The following KIF21B variants were observed in gnomAD, a reference collection of about 807,000 sequenced individuals.
KIF21B encodes kinesin family member 21B, also known as kinesin-like protein KIF21B.
In KIF21B, 85 loss-of-function variants were observed where a neutral mutation model predicts 192.9. The observed-to-expected ratio is 0.44, with a 90% CI of 0.37 to 0.53. The LOEUF (loss-of-function observed/expected upper bound fraction) is 0.53, where lower values mean the gene tolerates loss of function less well. KIF21B is among the 20% of genes least tolerant of loss of function. KIF21B has a pLI of 0.00. For missense variants in KIF21B, 1,716 were observed against 2,194.8 expected (o/e 0.78, Z 4.36); for synonymous variants, 832 against 884.6 (o/e 0.94, Z 1.05).
Position 200,998,832 on chromosome 1 carries a change from C to T in KIF21B, c.1886-257G>A, listed in dbSNP as rs542969747. 2.0e-5 allele frequency among the ~76,000 whole-genome samples: 3 copies of T among 152,262 alleles called. No individual in the cohort carries two copies. The highest frequency in any genetic ancestry group is 6.5e-5 in the Admixed American group (1 of 15,290). ...GATCTACACGTCCTTCCCAGCCATT[C>T]GAGGCCAGCATCCACCTGTTCCAGA... On this transcript the variant is annotated intron_variant, in intron 13 of 34. Coordinates refer to ENST00000461742, the MANE Select transcript of KIF21B (RefSeq NM_001252102.2). This position sits in a 1 kb window ranked among gnomAD's most constrained non-coding sequence, Gnocchi z 4.3.
Position 201,023,296 on chromosome 1 carries a change from A to C in KIF21B, c.41+47T>G. 1 of 1,493,336 alleles carries C rather than the reference A, an allele frequency of 6.7e-7. No homozygotes were observed. Among genetic ancestry groups the C allele is most frequent in the Non-Finnish European group, 9.0e-7 (1 of 1,115,146 alleles). The allele number at this position is 1,493,336 out of a possible 1,614,324, so 92.5% of individuals were successfully genotyped here. The stretch of plus-strand genomic sequence containing the variant: ...CCCGCCCAAAGCCCACGCGAGACAA[A>C]GCCCGAGGCTTCTCCGCGCGCCCCC... On this transcript the variant is annotated intron_variant, in intron 1 of 34. Transcript: ENST00000461742. The surrounding 1 kb of genome is among the most constrained non-coding windows in gnomAD (Gnocchi z 5.9).
chr1:201,004,965 C>T (rs762307709), intron 5 of KIF21B, 32 bp from the exon 6 acceptor site: 3 of 1,582,454 alleles, frequency 1.9e-6, no homozygotes, highest in Middle Eastern at 1.7e-4. Flanking sequence ...ACTCACCCAG[C>T]CCTCGCCCAC....
chr1:200,976,960 T>C (rs1022569125), intron 31 of KIF21B, 67 bp from the exon 32 acceptor site: 23 of 1,257,854 alleles, frequency 1.8e-5, no homozygotes, highest in Non-Finnish European at 2.6e-5. Flanking sequence ...GGGTGGGGTG[T>C]CTGCCCCAAA....
chr1:201,019,585 A>G (rs918696816), intron 1 of KIF21B, among the ~76,000 whole-genome samples: 3 of 152,072 alleles, frequency 2.0e-5, no homozygotes, highest in Non-Finnish European at 2.9e-5. Flanking sequence ...AGGTTTTCAA[A>G]AGCTGAGATC....
rs759880606 is a variant in KIF21B at position 200,990,717 on chromosome 1, C to T, written c.2694G>A (p.Lys898=). 4.0e-5 allele frequency: 64 copies of T among 1,614,014 alleles called. No homozygotes were observed. Among genetic ancestry groups the T allele is most frequent in the Non-Finnish European group, 5.2e-5 (61 of 1,180,002 alleles). ...TCTGGCTGGCCCCCTTCTTCTGGAA[C>T]TTCTTTCTGGGAGACATAGGCAAAG... ...TVNGTRPARK[K]FQKKGASQSF... Residue 898 remains lysine, a synonymous_variant, in exon 19 of 35, where the codon AAG becomes AAA. Coordinates refer to ENST00000461742, the MANE Select transcript of KIF21B (RefSeq NM_001252102.2). The surrounding 1 kb of genome is among the most constrained non-coding windows in gnomAD (Gnocchi z 5.4).
intron 9 of KIF21B, chr1:201,001,940 A>T (rs1359168616): frequency 1.7e-6 from 1 of 582,152 alleles, no homozygotes; most frequent in South Asian, 2.0e-5. Flanking sequence ...CTTTCACTTC[A>T]TATAGTGATG....
chr1:200,990,368 G>A lies in KIF21B; in HGVS notation c.2836-36C>T. 1.3e-6 allele frequency: 2 copies of A among 1,566,654 alleles called. No individual in the cohort carries two copies. Among genetic ancestry groups the A allele is most frequent in the African/African-American group, 1.4e-5 (1 of 74,018 alleles). On this transcript the variant is annotated intron_variant, in intron 19 of 34. Transcript: ENST00000461742. This position sits in a 1 kb window ranked among gnomAD's most constrained non-coding sequence, Gnocchi z 5.4. ...AGGGGAGGGTGGTGATTGTGATGAAGGAGAGGCCTCAGGTAGCTGCCAAGC... is the reference window on the plus strand; with the variant it reads ...AGGGGAGGGTGGTGATTGTGATGAAAGAGAGGCCTCAGGTAGCTGCCAAGC...
Position 200,976,887 on chromosome 1 carries a change from C to A in KIF21B, c.4332G>T (p.Gln1444His), listed in dbSNP as rs1397752528. Residue 1444 changes from glutamine to histidine, a missense_variant, in exon 32 of 35, where the codon CAG (glutamine) becomes CAT (histidine). By Grantham distance (24) the Gln-to-His change is conservative. Transcript: ENST00000461742. ...TGTGGCCAGTCAGCTTGCCGACAGG[C>A]TGGAACCTGCAGTGGGAAGAGGCCC... Reference protein sequence around the residue: ...AVRIWELSRFQPVGKLTGHIG... With the variant: ...AVRIWELSRFHPVGKLTGHIG... 2 of 1,606,368 alleles carry A rather than the reference C, an allele frequency of 1.2e-6. No individual in the cohort carries two copies. Among genetic ancestry groups the A allele is most frequent in the Non-Finnish European group, 1.7e-6 (2 of 1,174,376 alleles).
Position 201,005,606 on chromosome 1 carries a change from T to C in KIF21B, c.536A>G (p.Asp179Gly), listed in dbSNP as rs751746820. 7 of 1,613,836 alleles carry C rather than the reference T, an allele frequency of 4.3e-6. No individual in the cohort carries two copies. The highest frequency in any genetic ancestry group is 5.1e-6 in the Non-Finnish European group (6 of 1,179,904). The change falls in exon 4 of 35, where the codon GAC becomes GGC. Residue 179 changes from aspartate to glycine, a missense_variant. Asp to Gly is a moderately conservative substitution (Grantham distance 94, BLOSUM62 -1). Transcript: ENST00000461742. ...AGTGGTGTAGATGCCACCGTTTGCG[T>C]CCTCGTGGATCTTGATGTTGGACCT... is the stretch of plus-strand genomic sequence containing the variant. ...HRRSNIKIHE[D>G]ANGGIYTTGV...
chr1:201,023,464 G>T lies in KIF21B; in HGVS notation c.-81C>A. ...TGCCCGAGGCAGCGGCTGCGGCTGC[G>T]GGAGGCGGGGGCGCGGGCGCGGCTG... is the stretch of plus-strand genomic sequence containing the variant. On this transcript the variant is annotated 5_prime_UTR_variant, in exon 1 of 35. Transcript: ENST00000461742. The surrounding 1 kb of genome is among the most constrained non-coding windows in gnomAD (Gnocchi z 5.9). 1 of 1,076,010 alleles carries T rather than the reference G, an allele frequency of 9.3e-7. No homozygotes were observed. Among genetic ancestry groups the T allele is most frequent in the Non-Finnish European group, 1.2e-6 (1 of 835,764 alleles). The allele number at this position is 1,076,010 out of a possible 1,614,324, so 66.7% of individuals were successfully genotyped here.
chr1:201,007,205 C>T (rs1384268788), intron 3 of KIF21B, among the ~76,000 whole-genome samples: 1 of 149,666 alleles, frequency 6.7e-6, no homozygotes, highest in Non-Finnish European at 1.5e-5. Context: ...CACAGACACA[C>T]ACACACACAG....
rs1571967774 is a variant in KIF21B, at chr1:201,011,889, AT to A, written c.42-2402del. Among the ~76,000 whole-genome samples, 4 of 152,356 alleles carry A rather than the reference AT, an allele frequency of 2.6e-5. No individual in the cohort carries two copies. The East Asian group carries it at 7.7e-4, about 29-fold the overall frequency. ...GCTGATGATTGGAGAAAATCGAATC[AT>A]CATCCCTGGAGACAGTGGAGCAGGG... is the stretch of plus-strand genomic sequence containing the variant. On this transcript the variant is annotated intron_variant, in intron 1 of 34. Coordinates refer to ENST00000461742, the MANE Select transcript of KIF21B (RefSeq NM_001252102.2).
Position 201,005,649 on chromosome 1 carries a change from G to T in KIF21B, c.493C>A (p.Pro165Thr), listed in dbSNP as rs777415452. Residue 165 changes from proline (P) to threonine (T), a missense_variant, in exon 4 of 35, where the codon CCT (proline) becomes ACT (threonine). Pro to Thr is a conservative substitution (Grantham distance 38). Transcript: ENST00000461742. ...ILDLFDSTRD[P>T]DTRHRRSNIK... ...TTGGACCTGCGGTGGCGGGTGTCAGGGTCACGGGTGCTGTCAAACAGGTCA... is the reference window on the plus strand; with the variant it reads ...TTGGACCTGCGGTGGCGGGTGTCAGTGTCACGGGTGCTGTCAAACAGGTCA... 1.2e-6 allele frequency: 2 copies of T among 1,614,162 alleles called. No individual in the cohort carries two copies. The highest frequency in any genetic ancestry group is 1.7e-6 in the Non-Finnish European group (2 of 1,180,028).
At chr1:200,979,134 C>A (rs1655747113) in intron 30 of KIF21B, among the ~76,000 whole-genome samples, 1 of 152,258 alleles carries the variant, frequency 6.6e-6, no homozygotes, top group South Asian at 2.1e-4. Context: ...GCCTGTGTGT[C>A]TGAGACTGTC....
chr1:201,002,296 C>G lies in KIF21B; in HGVS notation c.1267G>C (p.Glu423Gln). The G allele has an allele frequency of 6.2e-7, 1 of 1,614,244 alleles. No individual in the cohort carries two copies. The highest frequency in any genetic ancestry group is 2.2e-5 in the East Asian group (1 of 44,884). Residue 423 changes from glutamate (E) to glutamine (Q), a missense_variant, in exon 9 of 35, where the codon GAG (glutamate) becomes CAG (glutamine). This residue lies in a region of KIF21B where 1,087 missense variants were observed against 1,316.6 expected (regional missense o/e 0.83). Transcript: ENST00000461742. Reference sequence around the variant, plus strand: ...TTCTCCTTCTGTAGCATGGCATTCTCTCGGAACAGATCACTATAGCCCTCA... The same window carrying G: ...TTCTCCTTCTGTAGCATGGCATTCTGTCGGAACAGATCACTATAGCCCTCA... ...GAEGYSDLFR[E>Q]NAMLQKENGA...
At chr1:201,004,498 C>T (rs750286952) in intron 6 of KIF21B, 43 bp from the exon 7 acceptor site, 13 of 1,495,766 alleles carry the variant, frequency 8.7e-6, no homozygotes, top group Admixed American at 5.9e-5. Context: ...ACTCAGGGAG[C>T]GAAGGGTAGG....
chr1:200,984,935 G>A lies in KIF21B; in HGVS notation c.3727C>T (p.Pro1243Ser). Residue 1243 changes from proline to serine, a missense_variant, in exon 27 of 35, where the codon CCC becomes TCC. Around this residue, in one of 3 missense-constraint regions of KIF21B, gnomAD observed 580 missense variants for 775.5 expected, o/e 0.75. Transcript: ENST00000461742. ...TTGCGGTCATTGCGGGGCCGAGTGG[G>A]AGGGGATGATGGGGGTGTGAATCCC... ...DVGFTPPSSP[P>S]TRPRNDRNVF... is the part of the protein sequence containing the mutation. 6.2e-7 allele frequency: 1 copy of A among 1,607,754 alleles called. No individual in the cohort carries two copies. Among genetic ancestry groups the A allele is most frequent in the South Asian group, 1.1e-5 (1 of 90,250 alleles).
Position 200,991,715 on chromosome 1 carries a change from C to T in KIF21B, c.2396G>A (p.Arg799Gln), listed in dbSNP as rs776829182. The T allele has an allele frequency of 2.7e-5, 43 of 1,613,996 alleles. No individual in the cohort carries two copies. Among genetic ancestry groups the T allele is most frequent in the Admixed American group, 2.2e-4 (13 of 60,002 alleles). The change falls in exon 17 of 35, where the codon CGA becomes CAA. Residue 799 changes from arginine (R) to glutamine (Q), a missense_variant. Physicochemically the swap from Arg to Gln is conservative, Grantham distance 43. Transcript: ENST00000461742. The part of the protein sequence containing the change: ...KEQRRQEFQI[R>Q]ALESQKRQQE... ...CTGCCGCTTCTGGGACTCCAGAGCT[C>T]GGATCTGAAACTGTGGGAGACAGAA...
chr1:200,995,150 C>T (rs1320363429), intron 15 of KIF21B, among the ~76,000 whole-genome samples: 1 of 152,220 alleles, frequency 6.6e-6, no homozygotes, highest in Non-Finnish European at 1.5e-5. Flanking sequence ...TCTACATCAG[C>T]CACCACTGCA....
Sources: allele counts gnomAD v4.1 joint callset (sites outside exome capture counted in the v4.1 genomes callset), GRCh38; gene constraint gnomAD v4.1.1; regional missense constraint gnomAD v4.1.1; non-coding constraint Gnocchi (gnomAD v3.1); transcripts MANE v1.5; gene names NCBI Gene and HGNC (gene_info 2026-07-23, HGNC 2026-07-21).